The following CC2D2A variants were observed in gnomAD, a reference collection of about 807,000 sequenced individuals.
The protein encoded by CC2D2A is coiled-coil and C2 domain containing 2A, also known as coiled-coil and C2 domain-containing protein 2A.
A neutral mutation model predicts 212.9 loss-of-function variants in CC2D2A; 155 were observed. The ratio of observed to expected loss-of-function variants is 0.73; its 90% CI spans 0.64 to 0.83. CC2D2A has a LOEUF of 0.83. Ranked by LOEUF, CC2D2A falls within the 40% of genes least tolerant of loss-of-function variation. The probability of loss-of-function intolerance (pLI) is 0.00; values close to 1 mark genes in which losing one functional copy is unlikely to be tolerated. For missense variants in CC2D2A, 1,856 were observed against 1,956.2 expected, an observed-to-expected ratio of 0.95 and a Z score of 0.97; for synonymous variants, 667 against 686.5, an observed-to-expected ratio of 0.97 and a Z score of 0.44.
intron 29 of CC2D2A, among the ~76,000 whole-genome samples, chr4:15,577,566 G>A (rs1255057062): frequency 6.6e-6 from 1 of 152,062 alleles, no homozygotes; most frequent in Non-Finnish European, 1.5e-5. Context: ...TGGTGGCCTA[G>A]ACAAGTATTA....
intron 13 of CC2D2A, among the ~76,000 whole-genome samples, chr4:15,530,116 C>G (rs372451948): frequency 2.1e-3 from 311 of 151,464 alleles, no homozygotes; most frequent in African/African-American, 7.1e-3. Flanking sequence ...GGACTACAGG[C>G]GCCCGCCACT....
intron 6 of CC2D2A, among the ~76,000 whole-genome samples, chr4:15,506,729 A>G (rs1716275076): frequency 6.6e-6 from 1 of 152,182 alleles, no homozygotes; most frequent in Non-Finnish European, 1.5e-5. Context: ...AGAATCTTAA[A>G]AAGCCTTACT....
At chr4:15,538,372 C>G (rs909704241) in intron 16 of CC2D2A, among the ~76,000 whole-genome samples, 3 of 152,214 alleles carry the variant, frequency 2.0e-5, no homozygotes, top group Non-Finnish European at 2.9e-5. Context: ...ACTGGCCACT[C>G]AGGAGCACAC....
chr4:15,482,753 A>G (rs529115414), intron 4 of CC2D2A, among the ~76,000 whole-genome samples: 10 of 152,322 alleles, frequency 6.6e-5, no homozygotes, highest in African/African-American at 2.2e-4. Flanking sequence ...TTTTAAAATC[A>G]AGGGAAAGAC....
chr4:15,550,506 G>C (rs1039038908), intron 17 of CC2D2A, among the ~76,000 whole-genome samples: 2 of 152,126 alleles, frequency 1.3e-5, no homozygotes, highest in African/African-American at 4.8e-5. Flanking sequence ...CCTGGAAAAG[G>C]AGGAGGCCCA....
intron 28 of CC2D2A, among the ~76,000 whole-genome samples, chr4:15,573,913 C>T (rs1023543894): frequency 1.1e-4 from 17 of 152,144 alleles, no homozygotes; most frequent in Admixed American, 2.0e-4. Context: ...AGACTTGAAC[C>T]TAAGCAAATT....
intron 4 of CC2D2A, among the ~76,000 whole-genome samples, chr4:15,484,556 G>T (rs904263605): frequency 6.6e-6 from 1 of 152,208 alleles, no homozygotes; most frequent in Admixed American, 6.5e-5. Flanking sequence ...AGTTATTGGG[G>T]AATGGGACTG....
intron 1 of CC2D2A, among the ~76,000 whole-genome samples, chr4:15,474,125 A>G (rs1476120720): frequency 6.6e-6 from 1 of 152,208 alleles, no homozygotes; most frequent in East Asian, 1.9e-4. Context: ...TAAGCCCCAC[A>G]GCATTCCTAT....
intron 33 of CC2D2A, among the ~76,000 whole-genome samples, chr4:15,589,961 G>T (rs531872695): frequency 5.9e-4 from 90 of 152,230 alleles, no homozygotes; most frequent in African/African-American, 2.1e-3. Flanking sequence ...CAGAGGACCT[G>T]AGTTTGTGTC....
At chr4:15,498,094 T>C (rs1309348285) in intron 4 of CC2D2A, among the ~76,000 whole-genome samples, 1 of 152,082 alleles carries the variant, frequency 6.6e-6, no homozygotes, top group Non-Finnish European at 1.5e-5. Context: ...ACAGTGAGTA[T>C]GGGTGATAGG....
chr4:15,481,921 C>G, intron 4 of CC2D2A: 1 of 985,304 alleles, frequency 1.0e-6, no homozygotes, highest in Non-Finnish European at 1.2e-6. Flanking sequence ...GGTGACCTTG[C>G]CATTGAGGAC....
intron 30 of CC2D2A, among the ~76,000 whole-genome samples, chr4:15,583,157 C>T (rs1234270654): frequency 6.6e-6 from 1 of 152,074 alleles, no homozygotes; most frequent in Non-Finnish European, 1.5e-5. Context: ...GATAAAAACT[C>T]AATGAATTGG....
At chr4:15,520,896 C>T (rs970256219) in intron 11 of CC2D2A, among the ~76,000 whole-genome samples, 2 of 152,144 alleles carry the variant, frequency 1.3e-5, no homozygotes, top group African/African-American at 4.8e-5. Flanking sequence ...CCAGCTGACT[C>T]TCCAGTCAGA....
intron 17 of CC2D2A, among the ~76,000 whole-genome samples, chr4:15,545,416 G>A (rs896073387): frequency 4.6e-5 from 7 of 152,122 alleles, no homozygotes; most frequent in Non-Finnish European, 1.0e-4. Flanking sequence ...AGAATTGGAA[G>A]CCATGTATAC....
At chr4:15,543,787 G>A (rs9918079) in intron 17 of CC2D2A, 29,411 of 152,240 alleles carry the variant, frequency 0.19, 2,914 homozygotes, top group Middle Eastern at 0.28. Context: ...TCTTAGCAGT[G>A]TCAGTGGGGT....
Position 15,579,843 on chromosome 4 carries a change from C to A in CC2D2A, c.3772-125C>A. 4 of 724,740 alleles carry A rather than the reference C, an allele frequency of 5.5e-6. No individual in the cohort carries two copies. In the South Asian group the frequency reaches 7.3e-5, roughly 13 times the overall value. The allele number at this position is 724,740 out of a possible 1,614,324, so 44.9% of individuals were successfully genotyped here. A position where few individuals can be genotyped will look rare whatever the true frequency, so the allele number is the denominator to read the frequency against. On this transcript the variant is annotated intron_variant, in intron 29 of 36. Transcript: ENST00000424120. Reference sequence around the variant, plus strand: ...AAGCTGCAGGGACACCAGGACATGACAGCTTTGTAAGGAGTCAGTCATATT... The same window carrying A: ...AAGCTGCAGGGACACCAGGACATGAAAGCTTTGTAAGGAGTCAGTCATATT...
chr4:15,573,941 T>G (rs556712982), intron 28 of CC2D2A, among the ~76,000 whole-genome samples: 85 of 152,286 alleles, frequency 5.6e-4, no homozygotes, highest in South Asian at 2.3e-3. Context: ...CAGTACACCC[T>G]CTGCTAAACA....
chr4:15,524,661 C>T (rs1717412051), intron 11 of CC2D2A, among the ~76,000 whole-genome samples: 1 of 151,618 alleles, frequency 6.6e-6, no homozygotes, highest in Non-Finnish European at 1.5e-5. Flanking sequence ...CCGTGTTAGC[C>T]AGGATGGTCT....
chr4:15,543,207 T>C (rs1718548580), intron 17 of CC2D2A, among the ~76,000 whole-genome samples: 1 of 152,228 alleles, frequency 6.6e-6, no homozygotes, highest in African/African-American at 2.4e-5. Flanking sequence ...AGGATTGATA[T>C]CTGCATAGCT....
Sources: allele counts gnomAD v4.1 joint callset (sites outside exome capture counted in the v4.1 genomes callset), GRCh38; gene constraint gnomAD v4.1.1; transcripts MANE v1.5; gene names NCBI Gene and HGNC (gene_info 2026-07-23, HGNC 2026-07-21).